Variants in SLC9A9 observed in about 807,000 individuals in gnomAD.
SLC9A9 encodes the protein solute carrier family 9 member A9.
In SLC9A9, 62 loss-of-function variants were observed where a neutral mutation model predicts 77.8. The observed-to-expected ratio is 0.80, with a 90% confidence interval of 0.65 to 0.98. The LOEUF is 0.98. Among genes scored for constraint, SLC9A9 ranks in the 50% least tolerant of loss-of-function variants. The pLI is 0.00. For synonymous variants in SLC9A9, 320 were observed against 283.5 expected (o/e 1.13, Z -1.29); for missense variants, 775 against 774.9 (o/e 1.00, Z 0.00).
intron 14 of SLC9A9, among the ~76,000 whole-genome samples, chr3:143,359,727 G>T (rs1042324084): frequency 1.3e-5 from 2 of 152,138 alleles, no homozygotes; most frequent in African/African-American, 2.4e-5. Context: ...TTAGGAATTT[G>T]GTGTCTGGTT....
chr3:143,523,745 C>G lies in SLC9A9; in HGVS notation c.1090-28297G>C, dbSNP rs75338274. On this transcript the variant is annotated intron_variant, in intron 9 of 15. Coordinates refer to ENST00000316549, the MANE Select transcript of SLC9A9 (RefSeq NM_173653.4). ...TTCCATAATCCTCTTAATGTCCAGC[C>G]CATAGGGATTCCCAATTAATAATTG... Among the ~76,000 whole-genome samples the G allele has an allele frequency of 6.3e-3, 953 of 152,158 alleles. 11 individuals carry two copies. Among genetic ancestry groups the G allele is most frequent in the African/African-American group, 0.022 (910 of 41,492 alleles).
chr3:143,622,883 G>A (rs1470736150), intron 6 of SLC9A9, among the ~76,000 whole-genome samples: 1 of 152,136 alleles, frequency 6.6e-6, no homozygotes, highest in Non-Finnish European at 1.5e-5. Flanking sequence ...CACATACAGA[G>A]ACACACATAG....
chr3:143,474,733 CT>C (rs2035440061), intron 11 of SLC9A9, among the ~76,000 whole-genome samples: 1 of 151,974 alleles, frequency 6.6e-6, no homozygotes, highest in African/African-American at 2.4e-5. Context: ...AGGTTAGGAT[CT>C]TTTACTGAAG....
intron 9 of SLC9A9, among the ~76,000 whole-genome samples, chr3:143,511,341 C>T (rs1465821942): frequency 3.3e-5 from 5 of 152,190 alleles, no homozygotes; most frequent in Non-Finnish European, 7.3e-5. Context: ...CAGGTGTTCT[C>T]CTAGTTAATT....
intron 12 of SLC9A9, among the ~76,000 whole-genome samples, chr3:143,418,784 CAG>C (rs1252858045): frequency 6.6e-6 from 1 of 152,136 alleles, no homozygotes; most frequent in Non-Finnish European, 1.5e-5. Context: ...AAAGTGAAAA[CAG>C]AGGCTTGATT....
At chr3:143,806,646 T>C (rs1425437375) in intron 2 of SLC9A9, among the ~76,000 whole-genome samples, 1 of 152,042 alleles carries the variant, frequency 6.6e-6, no homozygotes, top group Non-Finnish European at 1.5e-5. Context: ...TTACTCATTC[T>C]ATAGCTAAAA....
intron 2 of SLC9A9, among the ~76,000 whole-genome samples, chr3:143,804,106 T>G (rs912598969): frequency 6.6e-6 from 1 of 152,188 alleles, no homozygotes; most frequent in East Asian, 1.9e-4. Flanking sequence ...GGGTAACCTT[T>G]CACCTTCTCG....
intron 2 of SLC9A9, among the ~76,000 whole-genome samples, chr3:143,811,568 C>T (rs192766315): frequency 4.6e-5 from 7 of 152,092 alleles, no homozygotes; most frequent in Admixed American, 2.0e-4. Flanking sequence ...TTCACTGGCC[C>T]GGCACAGTGG....
At chr3:143,427,883 C>A (rs1349722070) in intron 12 of SLC9A9, among the ~76,000 whole-genome samples, 1 of 152,192 alleles carries the variant, frequency 6.6e-6, no homozygotes, top group East Asian at 1.9e-4. Context: ...TACCCCTCCC[C>A]CATGCAGAAG....
intron 9 of SLC9A9, among the ~76,000 whole-genome samples, chr3:143,500,684 T>C (rs1036355164): frequency 2.0e-5 from 3 of 152,096 alleles, no homozygotes; most frequent in African/African-American, 7.2e-5. Context: ...TGAAAACCAA[T>C]TTTTGTCAGT....
chr3:143,818,431 T>C (rs940214772), intron 2 of SLC9A9, among the ~76,000 whole-genome samples: 2 of 152,018 alleles, frequency 1.3e-5, no homozygotes, highest in African/African-American at 2.4e-5. Context: ...CTCAGCCTCC[T>C]GAGTAGCTGG....
chr3:143,614,302 C>T (rs984451116), intron 6 of SLC9A9, among the ~76,000 whole-genome samples: 20 of 152,168 alleles, frequency 1.3e-4, no homozygotes, highest in African/African-American at 4.3e-4. Context: ...ATTTTTGATC[C>T]TTTTTCTCCC....
chr3:143,442,940 G>T (rs941606493), intron 12 of SLC9A9, among the ~76,000 whole-genome samples: 8 of 152,208 alleles, frequency 5.3e-5, no homozygotes, highest in African/African-American at 1.7e-4. Flanking sequence ...TTCCTACTAA[G>T]TTGGAAGAAT....
chr3:143,498,679 T>A (rs1033551333), intron 9 of SLC9A9, among the ~76,000 whole-genome samples: 2 of 150,710 alleles, frequency 1.3e-5, no homozygotes, highest in African/African-American at 4.9e-5. Context: ...ATTTAAGATT[T>A]AAAAAAAAAA....
At chr3:143,783,299 G>A (rs558744284) in intron 4 of SLC9A9, among the ~76,000 whole-genome samples, 44 of 152,116 alleles carry the variant, frequency 2.9e-4, no homozygotes, top group Middle Eastern at 3.4e-3. Context: ...TGGCCTCCTG[G>A]AACAACAGGC....
At chr3:143,710,652 A>G (rs924915982) in intron 4 of SLC9A9, among the ~76,000 whole-genome samples, 4 of 152,236 alleles carry the variant, frequency 2.6e-5, no homozygotes, top group Non-Finnish European at 5.9e-5. Flanking sequence ...GGTTTGTATC[A>G]GAACAAAGGC....
chr3:143,833,607 C>T (rs150488650), intron 1 of SLC9A9, among the ~76,000 whole-genome samples: 1 of 152,188 alleles, frequency 6.6e-6, no homozygotes, highest in Admixed American at 6.5e-5. Flanking sequence ...GGATGCTCTC[C>T]CTGTGTGTAG....
At chr3:143,818,053 C>A (rs537488756) in intron 2 of SLC9A9, among the ~76,000 whole-genome samples, 1 of 152,168 alleles carries the variant, frequency 6.6e-6, no homozygotes, top group East Asian at 1.9e-4. Context: ...ATGTAAATGA[C>A]TGGAAATTTA....
At chr3:143,409,001 T>C (rs2034039581) in intron 12 of SLC9A9, among the ~76,000 whole-genome samples, 1 of 152,244 alleles carries the variant, frequency 6.6e-6, no homozygotes, top group East Asian at 1.9e-4. Context: ...TGACAATTTC[T>C]TGCAAGAGAG....
Sources: gnomAD v4.1 joint callset for allele counts (sites outside exome capture counted in the v4.1 genomes callset) on GRCh38, gnomAD v4.1.1 for gene constraint, MANE v1.5 for transcripts, NCBI Gene and HGNC (gene_info 2026-07-23, HGNC 2026-07-21) for gene names.